DIP2C: variants seen among roughly 807,000 people sequenced by gnomAD.
DIP2C encodes the protein disco-interacting protein 2 homolog C.
Under a neutral mutation model 192.4 loss-of-function variants are expected in DIP2C, and 33 were observed. The ratio of observed to expected loss-of-function variants is 0.17; its 90% confidence interval spans 0.13 to 0.23. The LOEUF (loss-of-function observed/expected upper bound fraction) is 0.23, where lower values mean the gene tolerates loss of function less well. DIP2C is among the 10% of genes least tolerant of loss of function. The pLI is 1.00. For synonymous variants in DIP2C, 979 were observed against 864.1 expected (o/e 1.13, Z -2.33); for missense variants, 1,537 against 2,110.1 (o/e 0.73, Z 5.32).
chr10:457,833 G>T (rs1370867329), intron 3 of DIP2C, among the ~76,000 whole-genome samples: 1 of 152,180 alleles, frequency 6.6e-6, no homozygotes, highest in South Asian at 2.1e-4. Context: ...GGCATTACAG[G>T]CGTGAGCCAC....
intron 2 of DIP2C, among the ~76,000 whole-genome samples, chr10:479,533 A>T (rs1045945387): frequency 6.6e-6 from 1 of 151,892 alleles, no homozygotes; most frequent in Non-Finnish European, 1.5e-5. Context: ...ATGGGGTTTC[A>T]ACATGTTAGC....
At chr10:604,847 C>A (rs186422674) in intron 1 of DIP2C, among the ~76,000 whole-genome samples, 1 of 152,252 alleles carries the variant, frequency 6.6e-6, no homozygotes, top group South Asian at 2.1e-4. Flanking sequence ...CATACTGGAG[C>A]GAAGGAAAAG....
Position 528,428 on chromosome 10 carries a change from C to T in DIP2C, c.86-41898G>A, listed in dbSNP as rs559020474. On this transcript the variant is annotated intron_variant, in intron 1 of 36. Coordinates refer to ENST00000280886, the MANE Select transcript of DIP2C (RefSeq NM_014974.3). ...CCCACTGCTCCCCCAGAACGCAGAC[C>T]GCCCGCTGCTCCCCCAGAACGCAGA... Among the ~76,000 whole-genome samples, 11 of 151,522 alleles carry T rather than the reference C, an allele frequency of 7.3e-5. 1 individual carries two copies. In the South Asian group the frequency reaches 1.9e-3, roughly 26 times the overall value.
chr10:535,237 T>C (rs1847634258), intron 1 of DIP2C, among the ~76,000 whole-genome samples: 1 of 152,078 alleles, frequency 6.6e-6, no homozygotes, highest in African/African-American at 2.4e-5. Context: ...AGGCGTGGGC[T>C]GAGCTGGAGC....
intron 9 of DIP2C, 43 bp from the exon 10 acceptor site, chr10:399,262 T>C: frequency 6.5e-7 from 1 of 1,545,614 alleles, no homozygotes; most frequent in South Asian, 1.1e-5. Flanking sequence ...CGTGGGGTCC[T>C]GGCTTCCTAA....
chr10:440,116 G>C (rs1404638478), intron 4 of DIP2C, among the ~76,000 whole-genome samples: 1 of 152,190 alleles, frequency 6.6e-6, no homozygotes, highest in African/African-American at 2.4e-5. Flanking sequence ...ATGAGATGTA[G>C]TTTATAATTA....
chr10:397,445 G>A lies in DIP2C; in HGVS notation c.1260+1664C>T, dbSNP rs182935063. On this transcript the variant is annotated intron_variant, in intron 10 of 36. Coordinates refer to ENST00000280886, the MANE Select transcript of DIP2C (RefSeq NM_014974.3). Reference sequence around the variant, plus strand: ...CTCAGGAGGCTGAGGGAGGAGAATCGCTTGAACCCGAGGGGCAGAGGTTGC... The same window carrying A: ...CTCAGGAGGCTGAGGGAGGAGAATCACTTGAACCCGAGGGGCAGAGGTTGC... Among the ~76,000 whole-genome samples, 157 of 151,176 alleles carry A rather than the reference G, an allele frequency of 1.0e-3. 1 individual carries two copies. The highest frequency in any genetic ancestry group is 3.5e-3 in the African/African-American group (145 of 41,152).
intron 1 of DIP2C, among the ~76,000 whole-genome samples, chr10:543,049 C>T (rs997210204): frequency 1.3e-5 from 2 of 152,152 alleles, no homozygotes; most frequent in African/African-American, 2.4e-5. Context: ...AAGTCAGAAA[C>T]ATTGAGTGAT....
chr10:325,970 G>A (rs1957255214), intron 31 of DIP2C, among the ~76,000 whole-genome samples: 1 of 152,064 alleles, frequency 6.6e-6, no homozygotes, highest in South Asian at 2.1e-4. Flanking sequence ...TTGTTAAGCT[G>A]AGGAGTTCAA....
chr10:422,142 C>T lies in DIP2C; in HGVS notation c.604+682G>A, dbSNP rs149162607. On this transcript the variant is annotated intron_variant, in intron 5 of 36. Coordinates refer to ENST00000280886, the MANE Select transcript of DIP2C (RefSeq NM_014974.3). ...CGGCGACGTGGTAAGCAGTCGTCTC[C>T]GGTTACTGCTTTAATGGAGACACAC... Among the ~76,000 whole-genome samples, 206 of 152,290 alleles carry T rather than the reference C, an allele frequency of 1.4e-3. 2 individuals are homozygous for T. The highest frequency in any genetic ancestry group is 4.3e-3 in the African/African-American group (179 of 41,542).
intron 32 of DIP2C, among the ~76,000 whole-genome samples, chr10:306,408 C>T (rs1225297224): frequency 2.0e-5 from 3 of 152,128 alleles, no homozygotes; most frequent in East Asian, 1.9e-4. Flanking sequence ...CTTTCTTGTG[C>T]GTGTGCACAT....
At chr10:416,773 C>T (rs1965665594) in intron 6 of DIP2C, among the ~76,000 whole-genome samples, 1 of 152,156 alleles carries the variant, frequency 6.6e-6, no homozygotes, top group Non-Finnish European at 1.5e-5. Flanking sequence ...AAAGCGTCCT[C>T]CTCAGGCACA....
rs573850664 is a variant in DIP2C at position 428,884 on chromosome 10, C to T, written c.395-5851G>A. On this transcript the variant is annotated intron_variant, in intron 4 of 36. Coordinates refer to ENST00000280886, the MANE Select transcript of DIP2C (RefSeq NM_014974.3). ...CACAGACTTCATCTTCCTTCTCCAA[C>T]CTGTTAAACCCACCAGCAAAATTTC... is the stretch of plus-strand genomic sequence containing the variant. 4.6e-5 allele frequency among the ~76,000 whole-genome samples: 7 copies of T among 152,226 alleles called. No homozygotes were observed. The South Asian group carries it at 1.5e-3, about 32-fold the overall frequency.
chr10:274,273 A>C lies in DIP2C; in HGVS notation c.*3052T>G, dbSNP rs1430611194. 2.0e-5 allele frequency: 3 copies of C among 152,228 alleles called. No homozygotes were observed. The highest frequency in any genetic ancestry group is 4.4e-5 in the Non-Finnish European group (3 of 68,036). 9.4% of individuals were successfully genotyped at this position (152,228 alleles called of 1,614,324 possible). A position where few individuals can be genotyped will look rare whatever the true frequency, so the allele number is the denominator to read the frequency against. On this transcript the variant is annotated 3_prime_UTR_variant, in exon 37 of 37. Transcript: ENST00000280886. ...TTCACAAAACATTTGTTGCCATAGG[A>C]ATTATTTTTAGCAATAAATGCCCAC...
rs567663177 is a variant in DIP2C, at chr10:328,740, A to G, written c.3753+693T>C. Among the ~76,000 whole-genome samples, 7 of 152,036 alleles carry G rather than the reference A, an allele frequency of 4.6e-5. No individual in the cohort carries two copies. In the East Asian group the frequency reaches 1.4e-3, roughly 29 times the overall value. The stretch of plus-strand genomic sequence containing the variant: ...CGTTATTGATCTCTGTGTAGATGAC[A>G]GAAACACAAACACAATCCATGTATA... On this transcript the variant is annotated intron_variant, in intron 30 of 36. Coordinates refer to ENST00000280886, the MANE Select transcript of DIP2C (RefSeq NM_014974.3).
chr10:351,462 G>A (rs1177648809), intron 24 of DIP2C, among the ~76,000 whole-genome samples: 1 of 152,178 alleles, frequency 6.6e-6, no homozygotes, highest in African/African-American at 2.4e-5. Flanking sequence ...GGCGGCCCAC[G>A]TCACTGCCCG....
chr10:546,323 TC>T (rs1346688025), intron 1 of DIP2C, among the ~76,000 whole-genome samples: 2 of 149,706 alleles, frequency 1.3e-5, no homozygotes, highest in Admixed American at 6.6e-5. Flanking sequence ...AATAATAAAG[TC>T]ATTACATGTT....
chr10:355,631 GTTTA>G (rs1220967953), intron 24 of DIP2C, among the ~76,000 whole-genome samples: 4 of 152,154 alleles, frequency 2.6e-5, no homozygotes, highest in Admixed American at 2.0e-4. Flanking sequence ...GTATTAGCTT[GTTTA>G]TTTAATGCCT....
intron 4 of DIP2C, among the ~76,000 whole-genome samples, chr10:428,046 C>A (rs997725506): frequency 6.6e-6 from 1 of 152,070 alleles, no homozygotes; most frequent in African/African-American, 2.4e-5. Context: ...TGTGTTAGAT[C>A]CATCTAACAG....
Sources: gnomAD v4.1 joint callset for allele counts (sites outside exome capture counted in the v4.1 genomes callset) on GRCh38, gnomAD v4.1.1 for gene constraint, MANE v1.5 for transcripts, NCBI Gene and HGNC (gene_info 2026-07-23, HGNC 2026-07-21) for gene names.